PDLIM5: variants seen among roughly 807,000 people sequenced by gnomAD.
PDLIM5 encodes PDZ and LIM domain protein 5.
Under a neutral mutation model 64.2 loss-of-function variants are expected in PDLIM5, and 34 were observed. The observed-to-expected ratio is 0.53, with a 90% CI of 0.40 to 0.71. The LOEUF (loss-of-function observed/expected upper bound fraction) is 0.71, where lower values mean the gene tolerates loss of function less well. Among genes scored for constraint, PDLIM5 ranks in the 30% least tolerant of loss-of-function variants. The probability of loss-of-function intolerance (pLI) is 0.00; values close to 1 mark genes in which losing one functional copy is unlikely to be tolerated. For synonymous variants in PDLIM5, 253 were observed against 269.1 expected (o/e 0.94, Z 0.59); for missense variants, 683 against 733.6 (o/e 0.93, Z 0.80).
intron 8 of PDLIM5, among the ~76,000 whole-genome samples, chr4:94,629,209 C>T (rs900290730): frequency 3.9e-5 from 6 of 152,006 alleles, no homozygotes; most frequent in African/African-American, 1.4e-4. Context: ...ATAAGCTGGG[C>T]GTGGTGGCGT....
At chr4:94,651,889 C>G (rs890183357) in intron 9 of PDLIM5, among the ~76,000 whole-genome samples, 4 of 152,148 alleles carry the variant, frequency 2.6e-5, no homozygotes, top group African/African-American at 9.7e-5. Flanking sequence ...AGTACAGGTT[C>G]ATGTATCACA....
intron 8 of PDLIM5, among the ~76,000 whole-genome samples, chr4:94,627,833 C>A (rs1265454273): frequency 6.6e-6 from 1 of 152,184 alleles, no homozygotes; most frequent in Non-Finnish European, 1.5e-5. Context: ...CATCAGCACC[C>A]TTGGTAGCAC....
chr4:94,566,341 TTAAG>T (rs1560707568), intron 3 of PDLIM5, among the ~76,000 whole-genome samples: 3 of 152,230 alleles, frequency 2.0e-5, no homozygotes, highest in Admixed American at 6.5e-5. Context: ...TAGGTACTCA[TTAAG>T]TGATATTTTC....
At chr4:94,493,685 G>A (rs1560653251) in intron 2 of PDLIM5, among the ~76,000 whole-genome samples, 1 of 152,116 alleles carries the variant, frequency 6.6e-6, no homozygotes, top group Non-Finnish European at 1.5e-5. Flanking sequence ...GGTAAACCAA[G>A]AGGTATAATT....
chr4:94,609,934 G>A (rs1328784834), intron 7 of PDLIM5, among the ~76,000 whole-genome samples: 3 of 152,140 alleles, frequency 2.0e-5, no homozygotes, highest in Admixed American at 6.6e-5. Flanking sequence ...AAGAGTATTC[G>A]TATGTCCAAA....
At chr4:94,500,133 T>G (rs1183836212) in intron 2 of PDLIM5, among the ~76,000 whole-genome samples, 1 of 152,196 alleles carries the variant, frequency 6.6e-6, no homozygotes, top group Non-Finnish European at 1.5e-5. Context: ...CTGTATGTAT[T>G]TCCTTTCATT....
At chr4:94,600,538 G>A (rs924783375) in intron 7 of PDLIM5, among the ~76,000 whole-genome samples, 14 of 152,056 alleles carry the variant, frequency 9.2e-5, no homozygotes, top group African/African-American at 2.4e-4. Context: ...TCTTTATCCC[G>A]AATCTGAAAA....
chr4:94,459,418 C>T (rs1196373949), intron 2 of PDLIM5, among the ~76,000 whole-genome samples: 1 of 152,110 alleles, frequency 6.6e-6, no homozygotes, highest in Non-Finnish European at 1.5e-5. Context: ...TTGTTATAAG[C>T]TTGGACAAAA....
intron 6 of PDLIM5, 27 bp downstream of exon 6, chr4:94,585,764 G>A (rs1311169586): frequency 1.3e-6 from 2 of 1,585,322 alleles, no homozygotes; most frequent in Non-Finnish European, 1.7e-6. Context: ...GTATCCTAAT[G>A]GATGAATGTT....
chr4:94,541,526 T>C (rs1038290219), intron 3 of PDLIM5, among the ~76,000 whole-genome samples: 1 of 152,260 alleles, frequency 6.6e-6, no homozygotes, highest in Admixed American at 6.5e-5. Context: ...AGCCACAGAT[T>C]GGCAAGGACA....
intron 7 of PDLIM5, among the ~76,000 whole-genome samples, chr4:94,614,774 ACAAT>A (rs1738639539): frequency 6.6e-6 from 1 of 152,228 alleles, no homozygotes; most frequent in Non-Finnish European, 1.5e-5. Context: ...TACAAAAGGT[ACAAT>A]CAAAAATTGA....
intron 11 of PDLIM5, among the ~76,000 whole-genome samples, chr4:94,659,913 T>TC (rs1742540577): frequency 6.6e-6 from 1 of 151,120 alleles, no homozygotes; most frequent in South Asian, 2.1e-4. Context: ...TTTTTTTTTT[T>TC]TGAGATGGAG....
rs1735201039 is a variant in PDLIM5, at chr4:94,575,839, C to T, written c.515C>T (p.Pro172Leu). 19 of 1,614,038 alleles carry T rather than the reference C, an allele frequency of 1.2e-5. No homozygotes were observed. The highest frequency in any genetic ancestry group is 1.6e-5 in the Non-Finnish European group (19 of 1,180,030). ...SPSPVAAVTPPLFAASGLHAN... is the reference protein window; with the variant it reads ...SPSPVAAVTPLLFAASGLHAN... ...TCACCCGTGGCTGCCGTCACTCCTC[C>T]CCTGTTCGCTGCATCTGGACTGCAT... Residue 172 changes from proline (P) to leucine (L), a missense_variant, in exon 5 of 13, where the codon CCC becomes CTC. By Grantham distance (98) the Pro-to-Leu change is moderately conservative (BLOSUM62 -3). Coordinates refer to ENST00000317968, the MANE Select transcript of PDLIM5 (RefSeq NM_006457.5).
intron 7 of PDLIM5, chr4:94,587,468 T>C (rs1736328496): frequency 2.2e-6 from 2 of 929,546 alleles, no homozygotes; most frequent in Non-Finnish European, 2.6e-6. Context: ...GAAAATACTT[T>C]CTTTATATTA....
At chr4:94,510,620 G>A (rs965462162) in intron 2 of PDLIM5, among the ~76,000 whole-genome samples, 6 of 152,138 alleles carry the variant, frequency 3.9e-5, no homozygotes, top group African/African-American at 1.4e-4. Context: ...AATCAGTTTT[G>A]CAATGATCTC....
chr4:94,489,558 A>G (rs989027943), intron 2 of PDLIM5, among the ~76,000 whole-genome samples: 4 of 151,944 alleles, frequency 2.6e-5, no homozygotes, highest in Non-Finnish European at 5.9e-5. Context: ...TGACATATAT[A>G]TAAATATAAA....
At chr4:94,603,409 A>G (rs926839947) in intron 7 of PDLIM5, among the ~76,000 whole-genome samples, 8 of 152,272 alleles carry the variant, frequency 5.3e-5, no homozygotes, top group African/African-American at 1.7e-4. Context: ...AGTCTGGATG[A>G]GAGAGGGTGG....
chr4:94,459,914 C>T (rs182146782), intron 2 of PDLIM5, among the ~76,000 whole-genome samples: 207 of 152,248 alleles, frequency 1.4e-3, no homozygotes, highest in African/African-American at 4.6e-3. Context: ...TGTAGTTGAG[C>T]GATTCTCCAG....
chr4:94,607,692 C>T (rs1441872268), intron 7 of PDLIM5, among the ~76,000 whole-genome samples: 1 of 152,118 alleles, frequency 6.6e-6, no homozygotes, highest in Non-Finnish European at 1.5e-5. Flanking sequence ...CAAATTCCAC[C>T]TGGCCCTTAC....
Sources: allele counts gnomAD v4.1 joint callset (sites outside exome capture counted in the v4.1 genomes callset), GRCh38; gene constraint gnomAD v4.1.1; transcripts MANE v1.5; gene names NCBI Gene and HGNC (gene_info 2026-07-23, HGNC 2026-07-21).